The following OR7A5 variants were observed in gnomAD, a reference collection of about 807,000 sequenced individuals.
OR7A5 encodes the protein olfactory receptor family 7 subfamily A member 5.
For synonymous variants in OR7A5, 140 were observed against 146.7 expected (o/e 0.95, Z 0.33); for missense variants, 319 against 377.9 (o/e 0.84, Z 1.29).
chr19:14,834,648 C>A (rs1164126363), intron 1 of OR7A5, among the ~76,000 whole-genome samples: 1 of 149,926 alleles, frequency 6.7e-6, no homozygotes, highest in East Asian at 2.0e-4. Context: ...CTGGATTTTT[C>A]TCACGGGCAT....
At chr19:14,832,375 C>T (rs4808533) in intron 1 of OR7A5, among the ~76,000 whole-genome samples, 7 of 151,058 alleles carry the variant, frequency 4.6e-5, no homozygotes, top group Admixed American at 1.3e-4. Context: ...ATTTTTTTCC[C>T]TCCTTCCCTC....
At chr19:14,829,100 G>C (rs1479620911) in intron 1 of OR7A5, among the ~76,000 whole-genome samples, 2 of 152,164 alleles carry the variant, frequency 1.3e-5, no homozygotes, top group African/African-American at 4.8e-5. Flanking sequence ...GGTGATGTTT[G>C]AAAAAAGATC....
intron 1 of OR7A5, among the ~76,000 whole-genome samples, chr19:14,831,681 G>A (rs999926993): frequency 2.0e-5 from 3 of 152,062 alleles, no homozygotes; most frequent in Non-Finnish European, 4.4e-5. Flanking sequence ...CTGACCTCGT[G>A]ATCCGCCTGC....
intron 1 of OR7A5, among the ~76,000 whole-genome samples, chr19:14,834,680 C>T (rs879942831): frequency 2.0e-5 from 3 of 152,138 alleles, no homozygotes; most frequent in Non-Finnish European, 4.4e-5. Flanking sequence ...GAAATATGCT[C>T]CATTTTAAAA....
In OR7A5 at chr19:14,826,278, A is replaced by T. The variant is rs1480866871; in HGVS notation, c.*1004T>A. 1.3e-5 allele frequency: 2 copies of T among 152,230 alleles called. No individual in the cohort carries two copies. Among genetic ancestry groups the T allele is most frequent in the African/African-American group, 4.8e-5 (2 of 41,462 alleles). 9.4% of individuals were successfully genotyped at this position (152,230 alleles called of 1,614,324 possible). On this transcript the variant is annotated 3_prime_UTR_variant, in exon 2 of 2. Transcript: ENST00000322301. ...CATTCTTTAATCATGAGTATTTAAG[A>T]GAATTTAGAGCATAAAAGAGATGAA...
chr19:14,829,795 T>C (rs1379696080), intron 1 of OR7A5, among the ~76,000 whole-genome samples: 1 of 152,216 alleles, frequency 6.6e-6, no homozygotes, highest in East Asian at 1.9e-4. Context: ...ATAAAATATA[T>C]TGAGGCCAGG....
chr19:14,829,053 G>C (rs1367168884), intron 1 of OR7A5, among the ~76,000 whole-genome samples: 1 of 152,114 alleles, frequency 6.6e-6, no homozygotes, highest in Admixed American at 6.6e-5. Context: ...TTTTTTGTTT[G>C]TTTGTTTGCT....
At chr19:14,829,323 C>A (rs74931422) in intron 1 of OR7A5, among the ~76,000 whole-genome samples, 1 of 152,218 alleles carries the variant, frequency 6.6e-6, no homozygotes, top group African/African-American at 2.4e-5. Flanking sequence ...CCTGCCTCAG[C>A]CTCCCGAGTA....
rs183911518 is a variant in OR7A5, at chr19:14,829,895, G to A, written c.-13-1641C>T. Among the ~76,000 whole-genome samples, 52 of 152,234 alleles carry A rather than the reference G, an allele frequency of 3.4e-4. No homozygotes were observed. The East Asian group carries it at 8.3e-3, about 24-fold the overall frequency. ...CATATACACATGCAGCACACTGGCC[G>A]AAGAGGGCCCAGGCAGGAGTGCAGT... On this transcript the variant is annotated intron_variant, in intron 1 of 1. Coordinates refer to ENST00000322301, the MANE Select transcript of OR7A5 (RefSeq NM_017506.2).
intron 1 of OR7A5, among the ~76,000 whole-genome samples, chr19:14,832,181 A>C (rs1357572437): frequency 6.6e-6 from 1 of 152,186 alleles, no homozygotes; most frequent in African/African-American, 2.4e-5. Context: ...AAGTGCTGGA[A>C]TTATAGGCAT....
chr19:14,827,936 A>G lies in OR7A5; in HGVS notation c.306T>C (p.Tyr102=). 1.2e-6 allele frequency: 2 copies of G among 1,614,214 alleles called. No homozygotes were observed. The highest frequency in any genetic ancestry group is 1.7e-6 in the Non-Finnish European group (2 of 1,180,032). ...ITYIACLMQM[Y]FFILFAGFEN... is the part of the protein sequence containing the mutation. ...CAAATCCAGCAAAGAGTATGAAAAA[A>G]TACATCTGCATGAGGCAGGCTATGT... is the stretch of plus-strand genomic sequence containing the variant. Residue 102 remains tyrosine, a synonymous_variant, in exon 2 of 2, where the codon TAT becomes TAC. Coordinates refer to ENST00000322301, the MANE Select transcript of OR7A5 (RefSeq NM_017506.2).
At chr19:14,833,940 A>G (rs1446007312) in intron 1 of OR7A5, among the ~76,000 whole-genome samples, 5 of 152,176 alleles carry the variant, frequency 3.3e-5, no homozygotes, top group Non-Finnish European at 7.3e-5. Flanking sequence ...TCTTGTGGAA[A>G]CAATCTCCAG....
At chr19:14,833,889 C>T (rs995677059) in intron 1 of OR7A5, among the ~76,000 whole-genome samples, 2 of 152,112 alleles carry the variant, frequency 1.3e-5, no homozygotes, top group Non-Finnish European at 2.9e-5. Flanking sequence ...AGATGGCAAA[C>T]GGGTACTCTA....
intron 1 of OR7A5, among the ~76,000 whole-genome samples, chr19:14,831,415 T>C (rs2044831091): frequency 1.3e-5 from 2 of 152,238 alleles, no homozygotes; most frequent in South Asian, 4.1e-4. Flanking sequence ...TTTCTTGTAT[T>C]TCCTGTGTGG....
intron 1 of OR7A5, among the ~76,000 whole-genome samples, chr19:14,832,231 C>A (rs2044840354): frequency 6.6e-6 from 1 of 152,008 alleles, no homozygotes; most frequent in Admixed American, 6.6e-5. Flanking sequence ...TTATTTTACA[C>A]TAAGAAATAT....
chr19:14,832,402 C>T lies in OR7A5; in HGVS notation c.-14+2672G>A, dbSNP rs1274388859. Among the ~76,000 whole-genome samples, 21 of 138,750 alleles carry T rather than the reference C, an allele frequency of 1.5e-4. 1 individual carries two copies. The highest frequency in any genetic ancestry group is 4.4e-4 in the African/African-American group (17 of 38,822). 91.0% of individuals were successfully genotyped at this position (138,750 alleles called of 152,430 possible). The stretch of plus-strand genomic sequence containing the variant: ...CCTTCCCTCCCTCCCTCCCTTCCTT[C>T]CTTCTCTCTCTCTTTCTTTCTTTTT... On this transcript the variant is annotated intron_variant, in intron 1 of 1. Transcript: ENST00000322301.
intron 1 of OR7A5, among the ~76,000 whole-genome samples, chr19:14,832,132 A>G (rs762973087): frequency 2.6e-5 from 4 of 151,378 alleles, no homozygotes; most frequent in Non-Finnish European, 5.9e-5. Context: ...CTGGTCTCAA[A>G]CTCTTGGCTT....
Position 14,828,236 on chromosome 19 carries a change from T to C in OR7A5, c.6A>G (p.Glu2=). ...CTGAAATTTGTGTATCATTTCCTGG[T>C]TCCATTTGATTGAAGTGACTATCAG... M[E]PGNDTQISEF... is the part of the protein sequence containing the mutation. Residue 2 remains glutamate, a synonymous_variant, in exon 2 of 2, where the codon GAA becomes GAG. Coordinates refer to ENST00000322301, the MANE Select transcript of OR7A5 (RefSeq NM_017506.2). The C allele has an allele frequency of 6.2e-7, 1 of 1,608,506 alleles. No individual in the cohort carries two copies. Among genetic ancestry groups the C allele is most frequent in the Non-Finnish European group, 8.5e-7 (1 of 1,176,388 alleles).
At chr19:14,831,453 T>C (rs1037415241) in intron 1 of OR7A5, among the ~76,000 whole-genome samples, 1 of 152,058 alleles carries the variant, frequency 6.6e-6, no homozygotes, top group African/African-American at 2.4e-5. Context: ...TATTTTATTA[T>C]TATTTTTTTG....
Sources: gnomAD v4.1 joint callset for allele counts (sites outside exome capture counted in the v4.1 genomes callset) on GRCh38, gnomAD v4.1.1 for gene constraint, MANE v1.5 for transcripts, NCBI Gene and HGNC (gene_info 2026-07-23, HGNC 2026-07-21) for gene names.